The following NT5C2 variants were observed in gnomAD, a reference collection of about 807,000 sequenced individuals.
The protein encoded by NT5C2 is cytosolic purine 5'-nucleotidase.
NT5C2 carries 58 observed loss-of-function variants against 76.1 expected under a neutral mutation model. The observed-to-expected ratio is 0.76, with a 90% CI of 0.62 to 0.95. The LOEUF is 0.95. Ranked by LOEUF, NT5C2 falls within the 40% of genes least tolerant of loss-of-function variation. The probability of loss-of-function intolerance (pLI) is 0.00; values close to 1 mark genes in which losing one functional copy is unlikely to be tolerated. For missense variants in NT5C2, 478 were observed against 690.3 expected, an observed-to-expected ratio of 0.69 and a Z score of 3.45; for synonymous variants, 229 against 237.4, an observed-to-expected ratio of 0.96 and a Z score of 0.32.
At chr10:103,106,369 T>C (rs919665001) in intron 5 of NT5C2, among the ~76,000 whole-genome samples, 4 of 152,168 alleles carry the variant, frequency 2.6e-5, no homozygotes, top group African/African-American at 7.2e-5. Context: ...TCTTCCTCAG[T>C]TGCAATAAAC....
rs373997280 is a variant in NT5C2, at chr10:103,188,171, A to G, written c.-169+5065T>C. Among the ~76,000 whole-genome samples the G allele has an allele frequency of 9.2e-5, 14 of 152,272 alleles. No individual in the cohort carries two copies. The East Asian group carries it at 1.7e-3, about 19-fold the overall frequency. On this transcript the variant is annotated intron_variant, in intron 1 of 18. Coordinates refer to ENST00000404739, the MANE Select transcript of NT5C2 (RefSeq NM_001351169.2). ...GGAGTTCGAGACCAGCCTGGCCAAC[A>G]TAGCGAAACCCCCATCTCCACTAAA...
At chr10:103,125,564 C>G (rs1022448481) in intron 4 of NT5C2, 4 of 168,262 alleles carry the variant, frequency 2.4e-5, no homozygotes, top group Non-Finnish European at 3.8e-5. Flanking sequence ...GATCTGTAAC[C>G]ACGAGGAGAT....
At chr10:103,166,028 G>A (rs75602818) in intron 3 of NT5C2, among the ~76,000 whole-genome samples, 1,779 of 152,326 alleles carry the variant, frequency 0.012, 33 homozygotes, top group African/African-American at 0.04. Context: ...AGATTCACAC[G>A]CAGTTGAGTA....
intron 3 of NT5C2, chr10:103,146,235 C>T (rs993946927): frequency 1.0e-6 from 1 of 985,406 alleles, no homozygotes; most frequent in East Asian, 1.1e-4. Flanking sequence ...TTTAATTTAA[C>T]TTGTCATTGG....
At chr10:103,129,055 G>A (rs1370406184) in intron 4 of NT5C2, among the ~76,000 whole-genome samples, 5 of 120,526 alleles carry the variant, frequency 4.1e-5, no homozygotes, top group South Asian at 6.0e-4. Context: ...CCGGCCAGCC[G>A]TGCCATCCGG....
intron 2 of NT5C2, among the ~76,000 whole-genome samples, chr10:103,179,975 G>A (rs1028254999): frequency 6.6e-6 from 1 of 152,082 alleles, no homozygotes; most frequent in African/African-American, 2.4e-5. Context: ...GACAAGCTAT[G>A]GTTTGGGACA....
At chr10:103,137,463 C>T (rs117072746) in intron 4 of NT5C2, among the ~76,000 whole-genome samples, 11 of 152,080 alleles carry the variant, frequency 7.2e-5, no homozygotes, top group African/African-American at 2.4e-4. Context: ...AAATCATGAC[C>T]GTATCTATGT....
At chr10:103,148,416 C>T (rs1213997848) in intron 3 of NT5C2, among the ~76,000 whole-genome samples, 1 of 152,078 alleles carries the variant, frequency 6.6e-6, no homozygotes, top group Admixed American at 6.5e-5. Flanking sequence ...TCCTGGCTGA[C>T]ATGGTGAAAC....
intron 3 of NT5C2, among the ~76,000 whole-genome samples, chr10:103,157,910 T>C (rs928546667): frequency 3.3e-5 from 5 of 151,768 alleles, no homozygotes; most frequent in African/African-American, 9.7e-5. Flanking sequence ...CCGTCTCTAC[T>C]AAAAATACAA....
intron 2 of NT5C2, among the ~76,000 whole-genome samples, chr10:103,180,457 C>T (rs1214116789): frequency 6.6e-6 from 1 of 152,192 alleles, no homozygotes; most frequent in Non-Finnish European, 1.5e-5. Flanking sequence ...CAGGCTTGGG[C>T]ACAGTGGCTC....
At chr10:103,155,117 G>A (rs1435392876) in intron 3 of NT5C2, among the ~76,000 whole-genome samples, 2 of 152,180 alleles carry the variant, frequency 1.3e-5, no homozygotes, top group East Asian at 3.8e-4. Flanking sequence ...CTGAATGTCT[G>A]TGTGCCAGAT....
intron 4 of NT5C2, among the ~76,000 whole-genome samples, chr10:103,112,832 C>A (rs753919511): frequency 3.3e-5 from 5 of 152,232 alleles, no homozygotes; most frequent in Non-Finnish European, 7.3e-5. Context: ...CTGTAGGCTA[C>A]ATGATGTTGG....
intron 4 of NT5C2, among the ~76,000 whole-genome samples, chr10:103,114,190 G>A (rs1053812897): frequency 6.6e-6 from 1 of 152,144 alleles, no homozygotes; most frequent in Non-Finnish European, 1.5e-5. Flanking sequence ...CAAGGTGGGC[G>A]GATCACGAGG....
At chr10:103,106,149 G>A (rs2071218307) in intron 5 of NT5C2, among the ~76,000 whole-genome samples, 1 of 152,126 alleles carries the variant, frequency 6.6e-6, no homozygotes, top group Admixed American at 6.5e-5. Flanking sequence ...TCCATTAGAT[G>A]CTGTATGTGG....
rs10786736 is a variant in NT5C2 at position 103,089,359 on chromosome 10, G to C, written c.*313C>G. 0.11 allele frequency: 31,523 copies of C among 277,202 alleles called. 2,299 individuals carry two copies. The highest frequency in any genetic ancestry group is 0.26 in the East Asian group (4,673 of 17,826). The allele number at this position is 277,202 out of a possible 1,614,324, so 17.2% of individuals were successfully genotyped here. A position where few individuals can be genotyped will look rare whatever the true frequency, so the allele number is the denominator to read the frequency against. ...CTCTTTCCTTTTCCTCGTGTATCCA[G>C]ATACACTGACATACGGATGATTTTA... is the stretch of plus-strand genomic sequence containing the variant. On this transcript the variant is annotated 3_prime_UTR_variant, in exon 19 of 19. Transcript: ENST00000404739.
chr10:103,117,171 T>A (rs1329342894), intron 4 of NT5C2, among the ~76,000 whole-genome samples: 1 of 152,200 alleles, frequency 6.6e-6, no homozygotes, highest in Non-Finnish European at 1.5e-5. Flanking sequence ...TAACGATCAA[T>A]GGATTTGCTC....
At chr10:103,099,584 G>A (rs1430077766) in intron 9 of NT5C2, among the ~76,000 whole-genome samples, 1 of 152,000 alleles carries the variant, frequency 6.6e-6, no homozygotes, top group Non-Finnish European at 1.5e-5. Flanking sequence ...ATTTATTAAT[G>A]TTATTAGTCG....
chr10:103,103,040 C>CA (rs1174344338), intron 6 of NT5C2, among the ~76,000 whole-genome samples: 4 of 151,992 alleles, frequency 2.6e-5, no homozygotes, highest in Non-Finnish European at 5.9e-5. Context: ...GTTAAAGATG[C>CA]AAAAACACTT....
intron 14 of NT5C2, 198 bp downstream of exon 14, chr10:103,093,774 A>T (rs1046991543): frequency 1.9e-6 from 1 of 516,680 alleles, no homozygotes; most frequent in African/African-American, 1.9e-5. Context: ...TTTAGTGAAA[A>T]TCAGATTCAT....
Sources: gnomAD v4.1 joint callset for allele counts (sites outside exome capture counted in the v4.1 genomes callset) on GRCh38, gnomAD v4.1.1 for gene constraint, MANE v1.5 for transcripts, NCBI Gene and HGNC (gene_info 2026-07-23, HGNC 2026-07-21) for gene names.